LSM14A: variants seen among roughly 807,000 people sequenced by gnomAD.
LSM14A encodes protein LSM14 homolog A.
In LSM14A, 14 loss-of-function variants were observed where a neutral mutation model predicts 52.4. The observed-to-expected ratio is 0.27, with a 90% CI of 0.18 to 0.42. The LOEUF (loss-of-function observed/expected upper bound fraction) is 0.42, where lower values mean the gene tolerates loss of function less well. LSM14A is among the 10% of genes least tolerant of loss of function. The pLI, the probability that LSM14A is intolerant of heterozygous loss-of-function variation, is 1.00. For synonymous variants in LSM14A, 185 were observed against 200.3 expected (o/e 0.92, Z 0.64); for missense variants, 417 against 581.8 (o/e 0.72, Z 2.91).
At chr19:34,216,017 T>TG (rs1394382615) in intron 6 of LSM14A, among the ~76,000 whole-genome samples, 16 of 152,306 alleles carry the variant, frequency 1.1e-4, no homozygotes, top group African/African-American at 3.8e-4. Context: ...ATGTGACTGT[T>TG]GGAGTTTGGG....
intron 9 of LSM14A, among the ~76,000 whole-genome samples, chr19:34,223,494 T>G (rs962851319): frequency 6.6e-6 from 1 of 152,256 alleles, no homozygotes; most frequent in African/African-American, 2.4e-5. Flanking sequence ...CTCATCATCT[T>G]CCTTCTCTCC....
intron 1 of LSM14A, among the ~76,000 whole-genome samples, chr19:34,173,275 G>A (rs1307786636): frequency 1.3e-5 from 2 of 152,166 alleles, no homozygotes; most frequent in Non-Finnish European, 2.9e-5. Context: ...AGACATTCTC[G>A]AAATGCCATC....
chr19:34,182,053 A>T (rs142179110), intron 1 of LSM14A, among the ~76,000 whole-genome samples: 1 of 152,194 alleles, frequency 6.6e-6, no homozygotes, highest in African/African-American at 2.4e-5. Context: ...TTCAAACTAG[A>T]TGCAGAATTT....
At chr19:34,174,346 G>T (rs2068931613) in intron 1 of LSM14A, among the ~76,000 whole-genome samples, 1 of 152,346 alleles carries the variant, frequency 6.6e-6, no homozygotes, top group South Asian at 2.1e-4. Flanking sequence ...TAAAGGAGTA[G>T]TATGAGATGG....
chr19:34,174,120 G>A (rs921734518), intron 1 of LSM14A, among the ~76,000 whole-genome samples: 1 of 151,990 alleles, frequency 6.6e-6, no homozygotes, highest in African/African-American at 2.4e-5. Flanking sequence ...TAGCTAATTT[G>A]GTATTTTTAG....
At chr19:34,181,076 A>T (rs571529138) in intron 1 of LSM14A, among the ~76,000 whole-genome samples, 2 of 152,114 alleles carry the variant, frequency 1.3e-5, no homozygotes, top group Non-Finnish European at 2.9e-5. Flanking sequence ...TCTGTTCCCC[A>T]GACTTCTATG....
At chr19:34,224,781 A>G (rs756208181) in intron 9 of LSM14A, among the ~76,000 whole-genome samples, 4 of 152,192 alleles carry the variant, frequency 2.6e-5, no homozygotes, top group Non-Finnish European at 4.4e-5. Context: ...CCATTCATTT[A>G]CCAAATATAC....
At chr19:34,179,897 T>C (rs1381414446) in intron 1 of LSM14A, among the ~76,000 whole-genome samples, 2 of 152,192 alleles carry the variant, frequency 1.3e-5, no homozygotes, top group African/African-American at 4.8e-5. Flanking sequence ...ATTAATTAGC[T>C]GTTTTAAAAA....
chr19:34,223,913 G>A (rs1249721427), intron 9 of LSM14A, among the ~76,000 whole-genome samples: 4 of 152,194 alleles, frequency 2.6e-5, no homozygotes, highest in Non-Finnish European at 4.4e-5. Context: ...AACTTTCAGA[G>A]TTGGAAAACA....
intron 1 of LSM14A, among the ~76,000 whole-genome samples, chr19:34,186,261 T>C (rs2069902494): frequency 1.3e-5 from 2 of 152,032 alleles, no homozygotes. Flanking sequence ...CCAGGTGGAG[T>C]TGGGTGATGG....
At position 34,215,029 on chromosome 19, in the gene LSM14A, T is replaced by C. The variant is rs2072470596; in HGVS notation, c.539-95T>C. The C allele has an allele frequency of 6.3e-6, 6 of 947,182 alleles. No individual in the cohort carries two copies. The South Asian group carries it at 9.0e-5, about 14-fold the overall frequency. The allele number at this position is 947,182 out of a possible 1,614,324, so 58.7% of individuals were successfully genotyped here. On this transcript the variant is annotated intron_variant, in intron 4 of 9. Coordinates refer to ENST00000544216, the MANE Select transcript of LSM14A (RefSeq NM_015578.4). ...TTCAAATTTGTGCTAAGGGTTTGAA[T>C]TGATAGAAATAAAACTCTGGACAAT...
chr19:34,217,619 GTTTTTTTTTTTTT>G (rs34613927), intron 6 of LSM14A, among the ~76,000 whole-genome samples: 1 of 13,768 alleles, frequency 7.3e-5, no homozygotes, highest in East Asian at 2.4e-3. Context: ...CCCCCCCCGT[GTTTTTTTTTTTTT>G]TTTTTTTTTT....
chr19:34,219,342 C>A (rs1389173835), intron 6 of LSM14A, 49 bp from the exon 7 acceptor site: 9 of 1,328,490 alleles, frequency 6.8e-6, no homozygotes, highest in Non-Finnish European at 9.4e-6. Flanking sequence ...TGTGCTAAAC[C>A]AGCTATTACA....
At chr19:34,226,572 A>G (rs879533758) in intron 9 of LSM14A, 3 of 951,360 alleles carry the variant, frequency 3.2e-6, no homozygotes, top group Non-Finnish European at 4.5e-6. Flanking sequence ...TATGTATTTC[A>G]GTTTAATAAC....
intron 1 of LSM14A, among the ~76,000 whole-genome samples, chr19:34,190,026 A>C (rs2070238662): frequency 6.6e-6 from 1 of 152,172 alleles, no homozygotes; most frequent in Admixed American, 6.5e-5. Flanking sequence ...GTACTGACAT[A>C]ATTCCCTTAT....
intron 9 of LSM14A, among the ~76,000 whole-genome samples, chr19:34,223,195 C>T (rs976872622): frequency 6.6e-6 from 1 of 152,082 alleles, no homozygotes; most frequent in Non-Finnish European, 1.5e-5. Flanking sequence ...GTCCTCCCAC[C>T]TCAGCCTCCT....
intron 6 of LSM14A, among the ~76,000 whole-genome samples, chr19:34,218,392 A>G (rs941614387): frequency 1.3e-5 from 2 of 152,152 alleles, no homozygotes; most frequent in Admixed American, 6.6e-5. Flanking sequence ...GAATGTTTCA[A>G]ACATCCTACT....
chr19:34,189,251 T>C (rs2070171590), intron 1 of LSM14A, among the ~76,000 whole-genome samples: 1 of 152,196 alleles, frequency 6.6e-6, no homozygotes, highest in Admixed American at 6.5e-5. Context: ...AGCCTAATGC[T>C]GTGTCAGCTT....
chr19:34,192,988 GAA>G lies in LSM14A; in HGVS notation c.122-1483_122-1482del, dbSNP rs1231069208. 2.0e-5 allele frequency among the ~76,000 whole-genome samples: 3 copies of G among 151,174 alleles called. No homozygotes were observed. The East Asian group carries it at 5.8e-4, about 29-fold the overall frequency. On this transcript the variant is annotated intron_variant, in intron 1 of 9. Coordinates refer to ENST00000544216, the MANE Select transcript of LSM14A (RefSeq NM_015578.4). ...AATGAAACTCCATCTCAAAAAAAAA[GAA>G]AAAAAATAGAAATGTTAAGGGGTTT... is the stretch of plus-strand genomic sequence containing the variant.
Sources: allele counts gnomAD v4.1 joint callset (sites outside exome capture counted in the v4.1 genomes callset), GRCh38; gene constraint gnomAD v4.1.1; transcripts MANE v1.5; gene names NCBI Gene and HGNC (gene_info 2026-07-23, HGNC 2026-07-21).